The following ZNF671 variants were observed in gnomAD, a reference collection of about 807,000 sequenced individuals.
ZNF671 encodes hypothetical protein FLJ23506.
A neutral mutation model predicts 16.6 loss-of-function variants in ZNF671; 19 were observed. That is an observed-to-expected ratio of 1.14 (90% CI 0.80 to 1.68). The LOEUF is 1.68. ZNF671 is among the 40% of genes most tolerant of loss of function. The pLI is 0.00. For missense variants in ZNF671, 637 were observed against 659.8 expected (o/e 0.97, Z 0.38); for synonymous variants, 238 against 236.3 (o/e 1.01, Z -0.06).
intron 3 of ZNF671, chr19:57,722,094 G>A (rs1985895124): frequency 3.0e-6 from 2 of 662,302 alleles, no homozygotes; most frequent in Non-Finnish European, 4.9e-6. Flanking sequence ...AAAAAATGTA[G>A]ACAGAGAAGT....
Position 57,720,681 on chromosome 19 carries a change from G to A in ZNF671, c.1405C>T (p.His469Tyr), listed in dbSNP as rs1381912050. ...TTTTCTCCAGAGTGAACTTTCTGGT[G>A]CTGAATGAGTTTGGAGATGCAGCTG... ...AFSCISKLIQ[H>Y]QKVHSGEKPY... Residue 469 changes from histidine to tyrosine, a missense_variant, in exon 4 of 4, where the codon CAC becomes TAC. By Grantham distance (83) the His-to-Tyr change is moderately conservative. Coordinates refer to ENST00000317398, the MANE Select transcript of ZNF671 (RefSeq NM_024833.3). 1 of 1,614,214 alleles carries A rather than the reference G, an allele frequency of 6.2e-7. No individual in the cohort carries two copies.
chr19:57,725,662 C>A (rs1218182823), intron 1 of ZNF671, among the ~76,000 whole-genome samples: 1 of 151,378 alleles, frequency 6.6e-6, no homozygotes, highest in Non-Finnish European at 1.5e-5. Context: ...CTGGCCAAGG[C>A]ATGGTGGCTC....
intron 1 of ZNF671, 173 bp downstream of exon 1, chr19:57,727,218 C>T (rs1261039662): frequency 2.3e-6 from 2 of 882,204 alleles, no homozygotes; most frequent in African/African-American, 1.7e-5. Context: ...GCAGCACCCC[C>T]GAGCCTTTAC....
At chr19:57,724,761 G>T (rs898632195) in intron 1 of ZNF671, among the ~76,000 whole-genome samples, 1 of 152,092 alleles carries the variant, frequency 6.6e-6, no homozygotes, top group Admixed American at 6.5e-5. Flanking sequence ...TCCTGACCTC[G>T]TGATCCACCC....
At position 57,721,173 on chromosome 19, in the gene ZNF671, T is replaced by C. The variant is rs1259189284; in HGVS notation, c.913A>G (p.Arg305Gly). Residue 305 changes from arginine to glycine, a missense_variant, in exon 4 of 4, where the codon AGA becomes GGA. Arg to Gly is a moderately radical substitution (Grantham distance 125). Transcript: ENST00000317398. The stretch of plus-strand genomic sequence containing the variant: ...TAAGGCCTTTCTCCAGTGTGGATTC[T>C]CTGATGCCGAGCAAGTGTGTCTTTG... ...TRKDTLARHQ[R>G]IHTGERPYEC... 6.2e-7 allele frequency: 1 copy of C among 1,613,726 alleles called. No individual in the cohort carries two copies. The highest frequency in any genetic ancestry group is 1.1e-5 in the South Asian group (1 of 91,054).
intron 1 of ZNF671, 70 bp from the exon 2 acceptor site, chr19:57,723,410 A>T: frequency 6.6e-7 from 1 of 1,519,250 alleles, no homozygotes; most frequent in Non-Finnish European, 8.9e-7. Flanking sequence ...ACCTACCCAC[A>T]ACATCCTGCT....
Position 57,721,374 on chromosome 19 carries a change from C to T in ZNF671, c.712G>A (p.Glu238Lys). 1 of 1,613,948 alleles carries T rather than the reference C, an allele frequency of 6.2e-7. No homozygotes were observed. Among genetic ancestry groups the T allele is most frequent in the Non-Finnish European group, 8.5e-7 (1 of 1,179,822 alleles). Residue 238 changes from glutamate (E) to lysine (K), a missense_variant, in exon 4 of 4, where the codon GAG becomes AAG. Transcript: ENST00000317398. ...SVKSCRVHVP[E>K]KTLTCGKGRR... ...CCTTTCCCACATGTGAGGGTCTTCT[C>T]TGGCACATGGACTCTGCAGCTTTTC... is the stretch of plus-strand genomic sequence containing the variant.
intron 1 of ZNF671, 141 bp downstream of exon 1, chr19:57,727,250 T>A (rs749202102): frequency 2.2e-5 from 27 of 1,251,724 alleles, no homozygotes; most frequent in Non-Finnish European, 2.9e-5. Flanking sequence ...CCTCCGCCCG[T>A]AACTCTCCCA....
intron 3 of ZNF671, chr19:57,721,965 T>G (rs1600050812): frequency 1.8e-6 from 1 of 567,174 alleles, no homozygotes; most frequent in Non-Finnish European, 3.1e-6. Flanking sequence ...GACTCGTGAG[T>G]GCTATGAAAA....
chr19:57,720,201 A>C lies in ZNF671; in HGVS notation c.*280T>G. 1.5e-5 allele frequency: 7 copies of C among 452,448 alleles called. No individual in the cohort carries two copies. Among genetic ancestry groups the C allele is most frequent in the East Asian group, 3.5e-5 (1 of 28,536 alleles). The allele number at this position is 452,448 out of a possible 1,614,324, so 28.0% of individuals were successfully genotyped here. Reference sequence around the variant, plus strand: ...CTCACAGGGAATCTCCCCAGTGGGAATGTCCATATCTATGAAGTTTCACTT... The same window carrying C: ...CTCACAGGGAATCTCCCCAGTGGGACTGTCCATATCTATGAAGTTTCACTT... On this transcript the variant is annotated 3_prime_UTR_variant, in exon 4 of 4. Coordinates refer to ENST00000317398, the MANE Select transcript of ZNF671 (RefSeq NM_024833.3).
chr19:57,726,542 G>C (rs10411755), intron 1 of ZNF671, among the ~76,000 whole-genome samples: 98,186 of 151,634 alleles, frequency 0.65, 33,934 homozygotes, highest in African/African-American at 0.9. Context: ...TCCCTGCCCT[G>C]CAGTCCCAGC....
chr19:57,727,454 GCGTCT>G lies in ZNF671; in HGVS notation c.70_74del (p.Arg24ProfsTer27). On this transcript the variant is annotated frameshift_variant, in exon 1 of 4. Transcript: ENST00000317398. LOFTEE classifies it high-confidence loss of function. ...CGCGGACAGCTGCCGGGAGCGGCAG[GCGTCT>G]CGATCGGGGACGCAGGCACTTCCGT... 6.2e-7 allele frequency: 1 copy of G among 1,612,972 alleles called. No homozygotes were observed. The highest frequency in any genetic ancestry group is 8.5e-7 in the Non-Finnish European group (1 of 1,179,678).
intron 1 of ZNF671, among the ~76,000 whole-genome samples, chr19:57,725,609 C>A (rs1241678968): frequency 6.6e-6 from 1 of 150,906 alleles, no homozygotes; most frequent in East Asian, 2.0e-4. Context: ...GCCTGGGTGA[C>A]AAGAGCAAGA....
rs1986098482 is a variant in ZNF671 at position 57,727,610 on chromosome 19, CA to C, written c.-83del. 1 of 1,530,086 alleles carries C rather than the reference CA, an allele frequency of 6.5e-7. No individual in the cohort carries two copies. The highest frequency in any genetic ancestry group is 2.3e-5 in the East Asian group (1 of 43,360). 94.8% of individuals were successfully genotyped at this position (1,530,086 alleles called of 1,614,324 possible). On this transcript the variant is annotated 5_prime_UTR_variant, in exon 1 of 4. Coordinates refer to ENST00000317398, the MANE Select transcript of ZNF671 (RefSeq NM_024833.3). The stretch of plus-strand genomic sequence containing the variant: ...CCGGCCAGGGACAGCCTGACAGAAA[CA>C]AAATGTCCGCTACAAGGAGGAGCCG...
At position 57,720,476 on chromosome 19, in the gene ZNF671, C is replaced by T; in HGVS notation, c.*5G>A. On this transcript the variant is annotated 3_prime_UTR_variant, in exon 4 of 4. Coordinates refer to ENST00000317398, the MANE Select transcript of ZNF671 (RefSeq NM_024833.3). ...CTAAGACTTTCCCCCACATTTGCTACACTCTTAAAGCTTTTCTCCAGCATG... is the reference window on the plus strand; with the variant it reads ...CTAAGACTTTCCCCCACATTTGCTATACTCTTAAAGCTTTTCTCCAGCATG... The T allele has an allele frequency of 1.2e-6, 2 of 1,606,950 alleles. No individual in the cohort carries two copies. The highest frequency in any genetic ancestry group is 1.7e-6 in the Non-Finnish European group (2 of 1,174,486).
chr19:57,727,181 C>T (rs1243144957), intron 1 of ZNF671: 1 of 553,098 alleles, frequency 1.8e-6, no homozygotes, highest in East Asian at 3.2e-5. Flanking sequence ...TTGATGAGAA[C>T]CCTGTCTCCC....
Position 57,727,116 on chromosome 19 carries a change from G to A in ZNF671, c.138+275C>T, listed in dbSNP as rs190363360. 8.3e-5 allele frequency: 31 copies of A among 372,824 alleles called. No individual in the cohort carries two copies. The East Asian group carries it at 1.3e-3, about 15-fold the overall frequency. The allele number at this position is 372,824 out of a possible 1,614,324, so 23.1% of individuals were successfully genotyped here. On this transcript the variant is annotated intron_variant, in intron 1 of 3. Coordinates refer to ENST00000317398, the MANE Select transcript of ZNF671 (RefSeq NM_024833.3). Reference sequence around the variant, plus strand: ...TTAATCTCAACGCCCTCAGAATGAAGCGACAACTTCTCAGCCTGCCATTCC... The same window carrying A: ...TTAATCTCAACGCCCTCAGAATGAAACGACAACTTCTCAGCCTGCCATTCC...
At chr19:57,727,143 G>A in intron 1 of ZNF671, 1 of 405,382 alleles carries the variant, frequency 2.5e-6, no homozygotes, top group East Asian at 3.7e-5. Flanking sequence ...TGCCATTCCA[G>A]TCACAGTTCC....
Position 57,724,127 on chromosome 19 carries a change from CTATTGTTGCTCTGAAAGCCT to C in ZNF671, c.139-807_139-788del, listed in dbSNP as rs1985969778. Among the ~76,000 whole-genome samples the C allele has an allele frequency of 2.0e-5, 3 of 152,170 alleles. No homozygotes were observed. The South Asian group carries it at 6.2e-4, about 32-fold the overall frequency. ...AATGGCCCCATTGCCAAGGAAAGCC[CTATTGTTGCTCTGAAAGCCT>C]CCCAATCTGGCCCTGTTCCTTTTTT... On this transcript the variant is annotated intron_variant, in intron 1 of 3. Transcript: ENST00000317398.
Sources: allele counts gnomAD v4.1 joint callset (sites outside exome capture counted in the v4.1 genomes callset), GRCh38; gene constraint gnomAD v4.1.1; transcripts MANE v1.5; gene names NCBI Gene and HGNC (gene_info 2026-07-23, HGNC 2026-07-21).